CCDC7: variants seen among roughly 807,000 people sequenced by gnomAD.
CCDC7 encodes coiled-coil domain containing 7, also known as coiled-coil domain-containing protein 7.
In CCDC7, 183 loss-of-function variants were observed where a neutral mutation model predicts 196.9. That is an observed-to-expected ratio of 0.93 (90% CI 0.82 to 1.05). The LOEUF (loss-of-function observed/expected upper bound fraction) is 1.05, where lower values mean the gene tolerates loss of function less well. Ranked by LOEUF, CCDC7 falls within the 50% of genes least tolerant of loss-of-function variation. CCDC7 has a pLI of 0.00. For missense variants in CCDC7, 1,540 were observed against 1,482.2 expected, an observed-to-expected ratio of 1.04 and a Z score of -0.64; for synonymous variants, 525 against 484.6, an observed-to-expected ratio of 1.08 and a Z score of -1.10.
Position 32,824,657 on chromosome 10 carries a change from T to TTTAA in CCDC7, c.3268+54_3268+57dup, listed in dbSNP as rs1008908572. On this transcript the variant is annotated intron_variant, in intron 32 of 41. Coordinates refer to ENST00000639629, the Ensembl canonical transcript of CCDC7. ...TTATGGTTTCCTATCTTCTCTGGAG[T>TTTAA]TTAAGTATGTATCTCTAATGACAAC... is the stretch of plus-strand genomic sequence containing the variant. 4 of 1,205,940 alleles carry TTTAA rather than the reference T, an allele frequency of 3.3e-6. No individual in the cohort carries two copies. The Admixed American group carries it at 5.6e-5, about 17-fold the overall frequency. The allele number at this position is 1,205,940 out of a possible 1,614,324, so 74.7% of individuals were successfully genotyped here. A position where few individuals can be genotyped will look rare whatever the true frequency, so the allele number is the denominator to read the frequency against.
intron 3 of CCDC7, among the ~76,000 whole-genome samples, chr10:32,458,245 A>G (rs1420272437): frequency 1.3e-5 from 2 of 152,072 alleles, no homozygotes; most frequent in Admixed American, 6.6e-5. Flanking sequence ...TCTTCTGCCT[A>G]TGGATATCCA....
chr10:32,597,230 C>T (rs967028269), intron 18 of CCDC7, among the ~76,000 whole-genome samples: 4 of 152,140 alleles, frequency 2.6e-5, no homozygotes. Flanking sequence ...TTTCTTTTGA[C>T]TCTTTTTTTC....
At chr10:32,574,305 A>T (rs1232299191) in intron 16 of CCDC7, 3 of 516,606 alleles carry the variant, frequency 5.8e-6, no homozygotes, top group Non-Finnish European at 5.3e-6. Context: ...GTTAATTATT[A>T]TATATTATAT....
intron 28 of CCDC7, among the ~76,000 whole-genome samples, chr10:32,759,527 A>T (rs1454575336): frequency 6.6e-6 from 1 of 152,144 alleles, no homozygotes; most frequent in African/African-American, 2.4e-5. Flanking sequence ...GTGCTGGGAA[A>T]ACTGGCTAGC....
chr10:32,707,565 T>G (rs892874343), intron 24 of CCDC7, among the ~76,000 whole-genome samples: 7 of 152,092 alleles, frequency 4.6e-5, no homozygotes, highest in Middle Eastern at 3.2e-3. Context: ...TGTATATTTA[T>G]AAAACCCCAT....
intron 5 of CCDC7, among the ~76,000 whole-genome samples, chr10:32,464,822 A>G (rs1332439975): frequency 6.6e-6 from 1 of 152,058 alleles, no homozygotes; most frequent in Admixed American, 6.6e-5. Flanking sequence ...TGCCCTCTCA[A>G]GAACTTTGAT....
intron 11 of CCDC7, among the ~76,000 whole-genome samples, chr10:32,534,133 CCAAT>C (rs2050112758): frequency 6.6e-6 from 1 of 151,964 alleles, no homozygotes; most frequent in Non-Finnish European, 1.5e-5. Context: ...TTTCAAATAG[CCAAT>C]CTTAGATTTC....
chr10:32,787,721 C>T (rs76124763), intron 29 of CCDC7, among the ~76,000 whole-genome samples: 13,189 of 152,170 alleles, frequency 0.087, 842 homozygotes, highest in East Asian at 0.33. Flanking sequence ...GCTCCTGTGG[C>T]TCTAGGCTTC....
At chr10:32,600,271 CT>C (rs1018345458) in intron 18 of CCDC7, among the ~76,000 whole-genome samples, 4 of 146,528 alleles carry the variant, frequency 2.7e-5, no homozygotes, top group Admixed American at 2.0e-4. Flanking sequence ...ATGTAGAGCT[CT>C]TTTACCTCAT....
intron 37 of CCDC7, 56 bp from the exon 39 acceptor site, chr10:32,847,777 G>A (rs1260124351): frequency 2.0e-6 from 2 of 1,015,902 alleles, no homozygotes; most frequent in Non-Finnish European, 3.0e-6. Flanking sequence ...TAAAATACAT[G>A]TGTAACATAA....
At chr10:32,748,749 T>C (rs2075216271) in intron 28 of CCDC7, among the ~76,000 whole-genome samples, 1 of 152,194 alleles carries the variant, frequency 6.6e-6, no homozygotes. Context: ...GAGTTGGGTA[T>C]TTCCCTTCAT....
At chr10:32,632,152 G>T (rs1412432741) in intron 18 of CCDC7, among the ~76,000 whole-genome samples, 7 of 79,528 alleles carry the variant, frequency 8.8e-5, no homozygotes, top group Admixed American at 2.9e-4. Flanking sequence ...GGGGGGGGGG[G>T]TCTAATTTCT....
intron 29 of CCDC7, among the ~76,000 whole-genome samples, chr10:32,782,009 G>T (rs2081136844): frequency 6.6e-6 from 1 of 152,204 alleles, no homozygotes; most frequent in East Asian, 1.9e-4. Context: ...CATTATCTAT[G>T]CACTGGTAGT....
At chr10:32,739,521 C>T (rs990851562) in intron 28 of CCDC7, among the ~76,000 whole-genome samples, 6 of 151,896 alleles carry the variant, frequency 4.0e-5, no homozygotes, top group Admixed American at 1.3e-4. Flanking sequence ...TTTCTTATTA[C>T]GTGTTGTCCA....
chr10:32,653,736 C>T (rs2069222803), intron 20 of CCDC7, among the ~76,000 whole-genome samples: 1 of 152,268 alleles, frequency 6.6e-6, no homozygotes, highest in Middle Eastern at 3.4e-3. Flanking sequence ...AAGCCCATCT[C>T]AAATTACAAA....
At chr10:32,461,716 T>C (rs1469188651) in intron 3 of CCDC7, among the ~76,000 whole-genome samples, 7 of 24,298 alleles carry the variant, frequency 2.9e-4, no homozygotes, top group Admixed American at 2.1e-3. Flanking sequence ...TGTGTATATA[T>C]ATATATATAT....
chr10:32,674,348 G>A (rs575245949), intron 21 of CCDC7, among the ~76,000 whole-genome samples: 3 of 151,362 alleles, frequency 2.0e-5, no homozygotes, highest in African/African-American at 7.3e-5. Context: ...TTGATCCAGT[G>A]GTTGTTCAAA....
intron 13 of CCDC7, among the ~76,000 whole-genome samples, chr10:32,549,902 T>TTTTGGTTCCATATGAATTTTAGGATTG (rs2053181396): frequency 6.6e-6 from 1 of 152,164 alleles, no homozygotes; most frequent in Non-Finnish European, 1.5e-5. Flanking sequence ...GGGGGCTCTG[T>TTTTGGTTCCATATGAATTTTAGGATTG]TTTGGTTCCA....
At chr10:32,648,559 T>C (rs2068168613) in intron 20 of CCDC7, among the ~76,000 whole-genome samples, 1 of 152,242 alleles carries the variant, frequency 6.6e-6, no homozygotes, top group Non-Finnish European at 1.5e-5. Flanking sequence ...AAATGATATT[T>C]CTGCCTCTAG....
Sources: allele counts gnomAD v4.1 joint callset (sites outside exome capture counted in the v4.1 genomes callset), GRCh38; gene constraint gnomAD v4.1.1; transcripts MANE v1.5; gene names NCBI Gene and HGNC (gene_info 2026-07-23, HGNC 2026-07-21).